Variants in MN1 observed in about 807,000 individuals in gnomAD.
MN1 encodes transcriptional activator MN1.
Under a neutral mutation model 86.9 loss-of-function variants are expected in MN1, and 19 were observed. That is an observed-to-expected ratio of 0.22 (90% CI 0.15 to 0.32). The LOEUF is 0.32. Among genes scored for constraint, MN1 ranks in the 10% least tolerant of loss-of-function variants. The pLI is 1.00. For synonymous variants in MN1, 928 were observed against 849.6 expected (o/e 1.09, Z -1.60); for missense variants, 1,841 against 1,862.0 (o/e 0.99, Z 0.21).
At chr22:27,776,738 C>G (rs189147898) in intron 1 of MN1, among the ~76,000 whole-genome samples, 7 of 152,166 alleles carry the variant, frequency 4.6e-5, no homozygotes, top group Admixed American at 2.0e-4. Flanking sequence ...CATGCCCCCC[C>G]TCACCCGCCC....
chr22:27,766,692 C>T lies in MN1; in HGVS notation c.3782-15596G>A, dbSNP rs544142712. Among the ~76,000 whole-genome samples, 46 of 152,188 alleles carry T rather than the reference C, an allele frequency of 3.0e-4. 1 individual carries two copies. The South Asian group carries it at 8.9e-3, about 30-fold the overall frequency. On this transcript the variant is annotated intron_variant, in intron 1 of 1. Transcript: ENST00000302326. ...GTCTTCTAAGGATGGCAGAACCAGA[C>T]CTAGGAAGACTGGGCTGACAAGTGC...
At chr22:27,794,993 G>T (rs1019504074) in intron 1 of MN1, among the ~76,000 whole-genome samples, 1 of 147,152 alleles carries the variant, frequency 6.8e-6, no homozygotes, top group Non-Finnish European at 1.5e-5. Flanking sequence ...GCCAGATCGA[G>T]ATGTCGTGTA....
Position 27,799,925 on chromosome 22 carries a change from G to T in MN1, c.619C>A (p.Pro207Thr). 1 of 1,602,844 alleles carries T rather than the reference G, an allele frequency of 6.2e-7. No homozygotes were observed. Among genetic ancestry groups the T allele is most frequent in the Non-Finnish European group, 8.5e-7 (1 of 1,175,754 alleles). Residue 207 changes from proline (P) to threonine (T), a missense_variant, in exon 1 of 2, where the codon CCG (proline) becomes ACG (threonine). Physicochemically the swap from Pro to Thr is conservative, Grantham distance 38 (BLOSUM62 -1). Coordinates refer to ENST00000302326, the MANE Select transcript of MN1 (RefSeq NM_002430.3). ...TGGGAATCGGAGCCGCTGGAGGACG[G>T]CAGGCCGTGGAAGGAGGCGGCTCGG... ...PNRAASFHGL[P>T]SSSGSDSHSL... is the part of the protein sequence containing the mutation.
intron 1 of MN1, among the ~76,000 whole-genome samples, chr22:27,795,822 G>T (rs1323032694): frequency 2.6e-5 from 4 of 152,060 alleles, no homozygotes. Context: ...AGGTTAAAAA[G>T]AACTGTTATT....
At chr22:27,761,950 G>A (rs375114094) in intron 1 of MN1, among the ~76,000 whole-genome samples, 62 of 152,202 alleles carry the variant, frequency 4.1e-4, no homozygotes, top group African/African-American at 1.4e-3. Context: ...GGCAGGACCG[G>A]GGAATGCGGG....
At chr22:27,786,075 G>A (rs1194651496) in intron 1 of MN1, among the ~76,000 whole-genome samples, 1 of 152,242 alleles carries the variant, frequency 6.6e-6, no homozygotes, top group Non-Finnish European at 1.5e-5. Context: ...CGAGATGAGC[G>A]AGGAATTAAG....
In MN1 at chr22:27,750,162, C is replaced by T. The variant is rs541893236; in HGVS notation, c.*753G>A. The T allele has an allele frequency of 3.9e-5, 9 of 231,726 alleles. No individual in the cohort carries two copies. The highest frequency in any genetic ancestry group is 1.1e-4 in the African/African-American group (5 of 45,376). 14.4% of individuals were successfully genotyped at this position (231,726 alleles called of 1,614,324 possible). A position where few individuals can be genotyped will look rare whatever the true frequency, so the allele number is the denominator to read the frequency against. On this transcript the variant is annotated 3_prime_UTR_variant, in exon 2 of 2. Coordinates refer to ENST00000302326, the MANE Select transcript of MN1 (RefSeq NM_002430.3). ...GAGCTGGACACGTCCTCACGTCCAT[C>T]GCAGAGAGGGGCGGCTTCCAGCAGG... is the stretch of plus-strand genomic sequence containing the variant.
chr22:27,792,337 TA>T (rs1308452871), intron 1 of MN1, among the ~76,000 whole-genome samples: 17 of 145,212 alleles, frequency 1.2e-4, no homozygotes, highest in African/African-American at 4.2e-4. Context: ...TATATATATA[TA>T]TATATATATA....
Position 27,790,448 on chromosome 22 carries a change from C to T in MN1, c.3781+6315G>A, listed in dbSNP as rs375937771. Among the ~76,000 whole-genome samples, 7 of 152,238 alleles carry T rather than the reference C, an allele frequency of 4.6e-5. No individual in the cohort carries two copies. The East Asian group carries it at 1.2e-3, about 25-fold the overall frequency. The stretch of plus-strand genomic sequence containing the variant: ...GGCACAATGTGCCAGGATCCCAGAA[C>T]CATCTCTCCTTTTGAGGCCTGTTCA... On this transcript the variant is annotated intron_variant, in intron 1 of 1. Coordinates refer to ENST00000302326, the MANE Select transcript of MN1 (RefSeq NM_002430.3).
At chr22:27,764,427 G>A (rs1932855124) in intron 1 of MN1, among the ~76,000 whole-genome samples, 1 of 152,192 alleles carries the variant, frequency 6.6e-6, no homozygotes, top group Non-Finnish European at 1.5e-5. Context: ...ATCCAGCTTA[G>A]TTCCTCATTC....
At chr22:27,776,715 A>C (rs1408409678) in intron 1 of MN1, among the ~76,000 whole-genome samples, 1 of 151,934 alleles carries the variant, frequency 6.6e-6, no homozygotes, top group African/African-American at 2.4e-5. Flanking sequence ...CTGGAATATA[A>C]ATTGGAAGCA....
At chr22:27,780,198 A>T (rs1191155326) in intron 1 of MN1, among the ~76,000 whole-genome samples, 1 of 151,504 alleles carries the variant, frequency 6.6e-6, no homozygotes, top group Non-Finnish European at 1.5e-5. Context: ...TGTGCTCCAC[A>T]CCCTCCCCTG....
chr22:27,771,001 C>T (rs1932909555), intron 1 of MN1, among the ~76,000 whole-genome samples: 1 of 152,100 alleles, frequency 6.6e-6, no homozygotes, highest in Non-Finnish European at 1.5e-5. Flanking sequence ...AAAGGTATTT[C>T]GAGTCCAGAA....
chr22:27,800,359 C>A lies in MN1; in HGVS notation c.185G>T (p.Gly62Val). The change falls in exon 1 of 2, where the codon GGC (glycine) becomes GTC (valine). Residue 62 changes from glycine (G) to valine (V), a missense_variant. Transcript: ENST00000302326. Reference sequence around the variant, plus strand: ...GAAGCCGTAGGGCTCCATGTTCATGCCCAAGATCGGGGGTTCGCCCAGCGC... The same window carrying A: ...GAAGCCGTAGGGCTCCATGTTCATGACCAAGATCGGGGGTTCGCCCAGCGC... ...MSALGEPPIL[G>V]MNMEPYGFHA... 2 of 1,607,200 alleles carry A rather than the reference C, an allele frequency of 1.2e-6. No individual in the cohort carries two copies. The highest frequency in any genetic ancestry group is 1.3e-5 in the African/African-American group (1 of 74,926).
Position 27,798,184 on chromosome 22 carries a change from G to C in MN1, c.2360C>G (p.Pro787Arg). The change falls in exon 1 of 2, where the codon CCG (proline) becomes CGG (arginine). Residue 787 changes from proline to arginine, a missense_variant. Pro to Arg is a moderately radical substitution (Grantham distance 103, BLOSUM62 -2). Transcript: ENST00000302326. ...GGGGGGGAYP[P>R]QPDFQPSQRT... ...CTGGCTGGGCTGGAAATCAGGCTGC[G>C]GCGGGTAGGCACCCCCGCCACCGCC... is the stretch of plus-strand genomic sequence containing the variant. 6.4e-7 allele frequency: 1 copy of C among 1,558,002 alleles called. No individual in the cohort carries two copies. The highest frequency in any genetic ancestry group is 8.6e-7 in the Non-Finnish European group (1 of 1,159,668).
intron 1 of MN1, among the ~76,000 whole-genome samples, chr22:27,778,978 C>A (rs1933014972): frequency 6.6e-6 from 1 of 152,184 alleles, no homozygotes; most frequent in African/African-American, 2.4e-5. Context: ...AATTCCCATA[C>A]AGGGGCATCC....
At chr22:27,795,644 T>C (rs1280589626) in intron 1 of MN1, among the ~76,000 whole-genome samples, 1 of 151,986 alleles carries the variant, frequency 6.6e-6, no homozygotes, top group Non-Finnish European at 1.5e-5. Context: ...AGAAATGATG[T>C]TACCTGATTT....
intron 1 of MN1, among the ~76,000 whole-genome samples, chr22:27,787,959 T>TCG (rs1933158075): frequency 6.6e-6 from 1 of 152,144 alleles, no homozygotes; most frequent in Admixed American, 6.5e-5. Context: ...CCCCCATGCA[T>TCG]GTGCAGCGAT....
intron 1 of MN1, among the ~76,000 whole-genome samples, chr22:27,754,913 C>T (rs1030064541): frequency 2.6e-5 from 4 of 152,208 alleles, no homozygotes; most frequent in Non-Finnish European, 2.9e-5. Flanking sequence ...TGATTGTCAG[C>T]CTCCCCCATC....
Sources: gnomAD v4.1 joint callset for allele counts (sites outside exome capture counted in the v4.1 genomes callset) on GRCh38, gnomAD v4.1.1 for gene constraint, MANE v1.5 for transcripts, NCBI Gene and HGNC (gene_info 2026-07-23, HGNC 2026-07-21) for gene names.